The following NELL2 variants were observed in gnomAD, a reference collection of about 807,000 sequenced individuals.
NELL2 encodes the protein neural EGFL like 2.
Under a neutral mutation model 109.6 loss-of-function variants are expected in NELL2, and 41 were observed. The ratio of observed to expected loss-of-function variants is 0.37; its 90% CI spans 0.29 to 0.49. The LOEUF is 0.49. Ranked by LOEUF, NELL2 falls within the 20% of genes least tolerant of loss-of-function variation. The pLI, the probability that NELL2 is intolerant of heterozygous loss-of-function variation, is 0.98. For synonymous variants in NELL2, 355 were observed against 344.7 expected (o/e 1.03, Z -0.33); for missense variants, 900 against 1,008.3 (o/e 0.89, Z 1.45).
intron 1 of NELL2, among the ~76,000 whole-genome samples, chr12:44,893,380 A>C (rs1311544137): frequency 6.6e-6 from 1 of 152,244 alleles, no homozygotes; most frequent in Non-Finnish European, 1.5e-5. Flanking sequence ...TCTAAATAAA[A>C]CATAGCCAAA....
At chr12:44,677,337 A>G (rs1483667553) in intron 12 of NELL2, among the ~76,000 whole-genome samples, 3 of 152,144 alleles carry the variant, frequency 2.0e-5, no homozygotes, top group Non-Finnish European at 1.5e-5. Flanking sequence ...AACATGTCAT[A>G]TATACACATG....
At chr12:44,817,771 T>C (rs1943400786) in intron 2 of NELL2, among the ~76,000 whole-genome samples, 1 of 152,104 alleles carries the variant, frequency 6.6e-6, no homozygotes, top group Non-Finnish European at 1.5e-5. Context: ...ACTCTCTTGG[T>C]TTAAAACAAA....
intron 3 of NELL2, among the ~76,000 whole-genome samples, chr12:44,783,514 G>T (rs1047472575): frequency 1.3e-5 from 2 of 151,842 alleles, no homozygotes; most frequent in African/African-American, 4.8e-5. Context: ...ATAAACAGGA[G>T]ATTTCATTAC....
In NELL2 at chr12:44,752,034, C is replaced by T. The variant is rs116137007; in HGVS notation, c.994+22713G>A. ...ATTTGTGTTGGGCTACATTCAAAGC[C>T]ATCCTGGGCTGCATGCAGCCCGTGG... On this transcript the variant is annotated intron_variant, in intron 9 of 19. Coordinates refer to ENST00000429094, the MANE Select transcript of NELL2 (RefSeq NM_001145108.2). 8.0e-3 allele frequency among the ~76,000 whole-genome samples: 1,214 copies of T among 152,194 alleles called. 17 individuals carry two copies. Among genetic ancestry groups the T allele is most frequent in the African/African-American group, 0.027 (1,134 of 41,536 alleles).
At chr12:44,777,199 G>A (rs749825619) in intron 6 of NELL2, 43 bp downstream of exon 6, 2 of 1,606,324 alleles carry the variant, frequency 1.2e-6, no homozygotes, top group Admixed American at 1.7e-5. Context: ...ATGCTGACAA[G>A]TAATATATGG....
intron 1 of NELL2, among the ~76,000 whole-genome samples, chr12:44,912,974 C>G (rs571526263): frequency 2.6e-5 from 4 of 152,154 alleles, no homozygotes; most frequent in South Asian, 2.1e-4. Flanking sequence ...CAGTCCCTAA[C>G]TCAGTTGTTC....
In NELL2 at chr12:44,796,773, T is replaced by C. The variant is rs189289470; in HGVS notation, c.336-16751A>G. On this transcript the variant is annotated intron_variant, in intron 3 of 19. Coordinates refer to ENST00000429094, the MANE Select transcript of NELL2 (RefSeq NM_001145108.2). The stretch of plus-strand genomic sequence containing the variant: ...TTGTATCACCAAGAGATAAGATCAG[T>C]AGCAAATTGAATTAATTCATAATTG... 2.0e-5 allele frequency among the ~76,000 whole-genome samples: 3 copies of C among 152,212 alleles called. No homozygotes were observed. The East Asian group carries it at 5.8e-4, about 29-fold the overall frequency.
chr12:44,848,367 A>T (rs557870745), intron 2 of NELL2, among the ~76,000 whole-genome samples: 1 of 152,300 alleles, frequency 6.6e-6, no homozygotes, highest in Non-Finnish European at 1.5e-5. Context: ...AAGATAAGGC[A>T]GTCAGCCAGG....
upstream of NELL2, among the ~76,000 whole-genome samples, chr12:44,915,590 G>C (rs1945822890): frequency 6.6e-6 from 1 of 152,048 alleles, no homozygotes; most frequent in Non-Finnish European, 1.5e-5. Flanking sequence ...CAAGACATGT[G>C]GGAATTGAAA....
chr12:44,593,589 T>C (rs1270458563), intron 15 of NELL2, among the ~76,000 whole-genome samples: 2 of 152,196 alleles, frequency 1.3e-5, no homozygotes, highest in Non-Finnish European at 2.9e-5. Context: ...AGTAGAATGA[T>C]TTATAATCCT....
chr12:44,517,368 ACTTTCT>A (rs1159472490), intron 19 of NELL2, among the ~76,000 whole-genome samples: 8 of 105,302 alleles, frequency 7.6e-5, no homozygotes, highest in African/African-American at 1.1e-4. Flanking sequence ...CCCACCAACT[ACTTTCT>A]CTCTCTCTCT....
intron 13 of NELL2, among the ~76,000 whole-genome samples, chr12:44,638,354 T>C (rs1946726037): frequency 6.6e-6 from 1 of 152,120 alleles, no homozygotes; most frequent in Admixed American, 6.6e-5. Flanking sequence ...GTGAGGTAAA[T>C]GACCTTTTGA....
Position 44,541,160 on chromosome 12 carries a change from A to T in NELL2, c.1664-8439T>A, listed in dbSNP as rs991549705. Among the ~76,000 whole-genome samples the T allele has an allele frequency of 1.3e-4, 20 of 149,838 alleles. 1 individual carries two copies. Among genetic ancestry groups the T allele is most frequent in the Admixed American group, 1.3e-3 (20 of 14,994 alleles). ...CAGCTACTCGGGAGGCTGAGGCAGG[A>T]GAATGGTGTGAACCCAGGAGGCAGA... On this transcript the variant is annotated intron_variant, in intron 15 of 19. Coordinates refer to ENST00000429094, the MANE Select transcript of NELL2 (RefSeq NM_001145108.2).
chr12:44,800,588 T>C (rs1376133426), intron 3 of NELL2, among the ~76,000 whole-genome samples: 1 of 152,186 alleles, frequency 6.6e-6, no homozygotes, highest in Non-Finnish European at 1.5e-5. Context: ...GATATGTCCA[T>C]CTGGAGTGAG....
chr12:44,733,351 CAT>C (rs1325003974), intron 9 of NELL2, among the ~76,000 whole-genome samples: 1 of 151,882 alleles, frequency 6.6e-6, no homozygotes, highest in Non-Finnish European at 1.5e-5. Flanking sequence ...GTAGTATATA[CAT>C]ACAATGGAAT....
chr12:44,567,400 T>C (rs10785506), intron 15 of NELL2, among the ~76,000 whole-genome samples: 42,104 of 152,062 alleles, frequency 0.28, 5,912 homozygotes, highest in South Asian at 0.35. Context: ...GATCAGACTC[T>C]GATTTGAAAA....
intron 15 of NELL2, among the ~76,000 whole-genome samples, chr12:44,591,410 T>C (rs7969028): frequency 0.016 from 2,471 of 152,020 alleles, 52 homozygotes; most frequent in African/African-American, 0.057. Context: ...ATGAAGAAAA[T>C]GTGGTATATA....
chr12:44,645,464 G>T (rs927405617), intron 13 of NELL2, among the ~76,000 whole-genome samples: 9 of 152,130 alleles, frequency 5.9e-5, no homozygotes, highest in African/African-American at 2.2e-4. Context: ...ATGAATATAA[G>T]TTGGGTGTCC....
intron 3 of NELL2, among the ~76,000 whole-genome samples, chr12:44,794,824 A>C (rs1942562448): frequency 6.6e-6 from 1 of 152,196 alleles, no homozygotes; most frequent in Admixed American, 6.5e-5. Context: ...TCTGTCATTA[A>C]TGAGCATTTA....
Sources: gnomAD v4.1 joint callset for allele counts (sites outside exome capture counted in the v4.1 genomes callset) on GRCh38, gnomAD v4.1.1 for gene constraint, MANE v1.5 for transcripts, NCBI Gene and HGNC (gene_info 2026-07-23, HGNC 2026-07-21) for gene names.